The following ROBO1 variants were observed in gnomAD, a reference collection of about 807,000 sequenced individuals.
The protein encoded by ROBO1 is roundabout guidance receptor 1, also known as roundabout homolog 1.
ROBO1 carries 149 observed loss-of-function variants against 195.9 expected under a neutral mutation model. The ratio of observed to expected loss-of-function variants is 0.76; its 90% CI spans 0.67 to 0.87. The LOEUF is 0.87. Among genes scored for constraint, ROBO1 ranks in the 40% least tolerant of loss-of-function variants. The probability of loss-of-function intolerance (pLI) is 0.00; values close to 1 mark genes in which losing one functional copy is unlikely to be tolerated. For missense variants in ROBO1, 1,933 were observed against 2,068.3 expected (o/e 0.93, Z 1.27); for synonymous variants, 816 against 733.2 (o/e 1.11, Z -1.82).
rs1189154465 is a variant in ROBO1, at chr3:78,885,205, TGATGA to T, written c.499+53391_499+53395del. Among the ~76,000 whole-genome samples the T allele has an allele frequency of 4.0e-5, 6 of 151,674 alleles. No homozygotes were observed. In the East Asian group the frequency reaches 1.2e-3, roughly 30 times the overall value. On this transcript the variant is annotated intron_variant, in intron 4 of 30. Transcript: ENST00000464233. ...TTCTCACTTATAGGTGGAAACTAAA[TGATGA>T]GAATACATGGACACATAGAGGTAAA...
intron 2 of ROBO1, among the ~76,000 whole-genome samples, chr3:79,424,474 A>G (rs985607311): frequency 2.0e-5 from 3 of 152,110 alleles, no homozygotes; most frequent in South Asian, 2.1e-4. Context: ...AAAATGACCT[A>G]TTAGTCATTT....
intron 2 of ROBO1, among the ~76,000 whole-genome samples, chr3:79,441,208 G>T (rs2039043790): frequency 6.6e-6 from 1 of 152,050 alleles, no homozygotes; most frequent in African/African-American, 2.4e-5. Context: ...TATTTTAAGA[G>T]AAAACTATTA....
chr3:79,187,365 G>T (rs1214838790), intron 2 of ROBO1, among the ~76,000 whole-genome samples: 1 of 151,882 alleles, frequency 6.6e-6, no homozygotes, highest in Non-Finnish European at 1.5e-5. Context: ...CTACTGTGAC[G>T]ATTCTGGATT....
At chr3:79,480,850 T>C (rs7646230) in intron 2 of ROBO1, among the ~76,000 whole-genome samples, 100,552 of 151,880 alleles carry the variant, frequency 0.66, 34,589 homozygotes, top group African/African-American at 0.87. Context: ...TTCTAAATCA[T>C]CACTATTACA....
chr3:79,240,401 C>T (rs1347458831), intron 2 of ROBO1, among the ~76,000 whole-genome samples: 2 of 152,102 alleles, frequency 1.3e-5, no homozygotes, highest in African/African-American at 4.8e-5. Flanking sequence ...ATTTAATAAA[C>T]ACAAACACAG....
chr3:79,502,540 AG>A (rs1940146294), intron 2 of ROBO1, among the ~76,000 whole-genome samples: 1 of 151,604 alleles, frequency 6.6e-6, no homozygotes, highest in South Asian at 2.1e-4. Flanking sequence ...TGAGCCTCCC[AG>A]ACGAGCGCCA....
intron 19 of ROBO1, among the ~76,000 whole-genome samples, chr3:78,648,066 C>T (rs534382443): frequency 6.6e-5 from 10 of 151,196 alleles, no homozygotes; most frequent in Non-Finnish European, 1.2e-4. Context: ...AAAGTAAATG[C>T]TTATTAAAGT....
intron 2 of ROBO1, among the ~76,000 whole-genome samples, chr3:79,349,050 TA>T (rs1299617572): frequency 6.6e-6 from 1 of 152,214 alleles, no homozygotes; most frequent in East Asian, 1.9e-4. Flanking sequence ...ATCTTGTTCA[TA>T]GGGTTTTGTA....
At chr3:79,435,615 A>C (rs2038857864) in intron 2 of ROBO1, among the ~76,000 whole-genome samples, 1 of 152,188 alleles carries the variant, frequency 6.6e-6, no homozygotes, top group Non-Finnish European at 1.5e-5. Flanking sequence ...AAACAACATT[A>C]CTGAGATTCC....
Position 78,685,942 on chromosome 3 carries a change from G to T in ROBO1, c.1171-25C>A, listed in dbSNP as rs6792384. The T allele has an allele frequency of 2.2e-3, 3,376 of 1,515,196 alleles. 59 individuals carry two copies. In the African/African-American group the frequency reaches 0.04, roughly 18 times the overall value. 93.9% of individuals were successfully genotyped at this position (1,515,196 alleles called of 1,614,324 possible). Reference sequence around the variant, plus strand: ...TCTAGAACCCAGAAATTGGGATGGAGGAAAATAAAAATAGGTTAATTGTTA... The same window carrying T: ...TCTAGAACCCAGAAATTGGGATGGATGAAAATAAAAATAGGTTAATTGTTA... On this transcript the variant is annotated intron_variant, in intron 9 of 30. Coordinates refer to ENST00000464233, the MANE Select transcript of ROBO1 (RefSeq NM_002941.4).
chr3:79,348,212 A>G (rs1041206654), intron 2 of ROBO1, among the ~76,000 whole-genome samples: 1 of 126,156 alleles, frequency 7.9e-6, no homozygotes, highest in African/African-American at 3.1e-5. Flanking sequence ...CTCCATCTCA[A>G]AAAAAAAAAA....
At chr3:79,711,087 G>A (rs1398632249) in intron 1 of ROBO1, among the ~76,000 whole-genome samples, 5 of 152,152 alleles carry the variant, frequency 3.3e-5, no homozygotes, top group East Asian at 3.9e-4. Flanking sequence ...AAACCATAAC[G>A]AATAGGATTG....
chr3:78,878,670 C>G (rs1406455554), intron 4 of ROBO1, among the ~76,000 whole-genome samples: 1 of 143,228 alleles, frequency 7.0e-6, no homozygotes, highest in East Asian at 2.1e-4. Context: ...ATAAAATAGA[C>G]AAGTTACTGT....
At chr3:79,729,606 T>C (rs748432375) in intron 1 of ROBO1, among the ~76,000 whole-genome samples, 2 of 152,218 alleles carry the variant, frequency 1.3e-5, no homozygotes, top group African/African-American at 2.4e-5. Flanking sequence ...AATTGCTGTA[T>C]TTTTCTCATT....
rs189885351 is a variant in ROBO1, at chr3:78,599,472, C to T, written c.4942-545G>A. On this transcript the variant is annotated intron_variant, in intron 30 of 30. Coordinates refer to ENST00000464233, the MANE Select transcript of ROBO1 (RefSeq NM_002941.4). ...TCTACTATAAAAAGTTGTCATTTGA[C>T]ACGTATTTATCTACTTGAGTTTAAC... Among the ~76,000 whole-genome samples the T allele has an allele frequency of 6.6e-4, 101 of 152,212 alleles. 2 individuals are homozygous for T. Among genetic ancestry groups the T allele is most frequent in the Admixed American group, 6.5e-3 (100 of 15,274 alleles).
intron 1 of ROBO1, among the ~76,000 whole-genome samples, chr3:79,651,723 T>C (rs1247102117): frequency 6.6e-6 from 1 of 152,140 alleles, no homozygotes; most frequent in Non-Finnish European, 1.5e-5. Flanking sequence ...ACAGAGGCTC[T>C]CCTTGGCTTG....
intron 3 of ROBO1, among the ~76,000 whole-genome samples, chr3:79,106,829 C>T (rs1042536189): frequency 1.2e-4 from 18 of 151,556 alleles, no homozygotes; most frequent in African/African-American, 4.4e-4. Context: ...TGAAGTTGCA[C>T]AGGAAAGTGA....
At chr3:79,484,366 A>G (rs1575894091) in intron 2 of ROBO1, among the ~76,000 whole-genome samples, 1 of 152,140 alleles carries the variant, frequency 6.6e-6, no homozygotes, top group Non-Finnish European at 1.5e-5. Flanking sequence ...ATTTTGGTAT[A>G]CTTAAAGCTT....
At chr3:79,019,363 G>GGGTGGGAGA in intron 3 of ROBO1, 2 of 985,814 alleles carry the variant, frequency 2.0e-6, no homozygotes, top group Non-Finnish European at 2.4e-6. Context: ...ATGCTGCTGC[G>GGGTGGGAGA]GGTGGGAGAG....
Sources: gnomAD v4.1 joint callset for allele counts (sites outside exome capture counted in the v4.1 genomes callset) on GRCh38, gnomAD v4.1.1 for gene constraint, MANE v1.5 for transcripts, NCBI Gene and HGNC (gene_info 2026-07-23, HGNC 2026-07-21) for gene names.